Variants in DAB1 observed in about 807,000 individuals in gnomAD.
DAB1 encodes the protein disabled homolog 1.
A neutral mutation model predicts 64.6 loss-of-function variants in DAB1; 15 were observed. The ratio of observed to expected loss-of-function variants is 0.23; its 90% CI spans 0.16 to 0.36. DAB1 has a LOEUF of 0.36. DAB1 is among the 10% of genes least tolerant of loss of function. The pLI, the probability that DAB1 is intolerant of heterozygous loss-of-function variation, is 1.00. For synonymous variants in DAB1, 235 were observed against 251.9 expected (o/e 0.93, Z 0.64); for missense variants, 596 against 706.7 (o/e 0.84, Z 1.78).
intron 3 of DAB1, among the ~76,000 whole-genome samples, chr1:58,379,772 G>A (rs994414405): frequency 1.3e-5 from 2 of 152,206 alleles, no homozygotes; most frequent in African/African-American, 4.8e-5. Context: ...GATGAGTACT[G>A]TGGAGTAGGA....
chr1:57,424,167 C>T (rs1685161208), upstream of DAB1: 4 of 148,806 alleles, frequency 2.7e-5, no homozygotes, highest in Admixed American at 6.7e-5. Flanking sequence ...CCCCCGCGCC[C>T]GCCCGGCGCC....
At chr1:58,485,553 A>G (rs1427769903) in intron 3 of DAB1, among the ~76,000 whole-genome samples, 5 of 152,074 alleles carry the variant, frequency 3.3e-5, no homozygotes, top group Admixed American at 6.6e-5. Flanking sequence ...TCAAATCTTC[A>G]TCTACTTTGC....
intron 7 of DAB1, among the ~76,000 whole-genome samples, chr1:57,502,162 A>G (rs762907094): frequency 1.3e-5 from 2 of 151,964 alleles, no homozygotes; most frequent in Non-Finnish European, 2.9e-5. Context: ...CTACTGAAAA[A>G]TACAAAAAAT....
chr1:57,353,857 C>CT (rs1678832295), intron 1 of DAB1, among the ~76,000 whole-genome samples: 1 of 152,150 alleles, frequency 6.6e-6, no homozygotes, highest in Non-Finnish European at 1.5e-5. Context: ...AACTTCATAG[C>CT]TTGCATGAGG....
At chr1:58,140,215 A>T (rs1654201506) in intron 5 of DAB1, among the ~76,000 whole-genome samples, 1 of 152,218 alleles carries the variant, frequency 6.6e-6, no homozygotes, top group South Asian at 2.1e-4. Flanking sequence ...CTTGAGGCTC[A>T]ATAGAAGAAT....
chr1:58,093,535 G>T (rs1378972691), intron 5 of DAB1, among the ~76,000 whole-genome samples: 1 of 151,990 alleles, frequency 6.6e-6, no homozygotes. Flanking sequence ...CTCCTTATGA[G>T]AATCTAATGT....
chr1:58,316,356 A>T (rs1382106440), intron 4 of DAB1, among the ~76,000 whole-genome samples: 2 of 152,222 alleles, frequency 1.3e-5, no homozygotes, highest in African/African-American at 2.4e-5. Context: ...ATATTTATTT[A>T]AAATGAACTA....
intron 1 of DAB1, chr1:57,864,686 A>C (rs1654218268): frequency 6.9e-6 from 1 of 145,258 alleles, no homozygotes; most frequent in Middle Eastern, 3.3e-3. Context: ...TTATTTAATT[A>C]TTTATTTATT....
chr1:58,487,902 G>GT (rs1348286733), intron 3 of DAB1, among the ~76,000 whole-genome samples: 8 of 151,182 alleles, frequency 5.3e-5, no homozygotes, highest in African/African-American at 1.7e-4. Context: ...GCATGTTACC[G>GT]TACCTCTTCT....
upstream of DAB1, among the ~76,000 whole-genome samples, chr1:57,427,516 T>C (rs1398711911): frequency 6.6e-6 from 1 of 152,170 alleles, no homozygotes; most frequent in Non-Finnish European, 1.5e-5. Context: ...GAAATCAAAA[T>C]CAAATGTCAG....
At chr1:58,300,626 G>GAGAC (rs1662123557) in intron 4 of DAB1, among the ~76,000 whole-genome samples, 1 of 47,028 alleles carries the variant, frequency 2.1e-5, no homozygotes, top group Non-Finnish European at 5.1e-5. Flanking sequence ...GAGAGAGAGA[G>GAGAC]AGAGAGAGAG....
At chr1:57,222,112 C>CT (rs558490995) in intron 2 of DAB1, among the ~76,000 whole-genome samples, 3 of 151,778 alleles carry the variant, frequency 2.0e-5, no homozygotes, top group Admixed American at 6.6e-5. Context: ...GTTATTGTTC[C>CT]TTTTTTTTCT....
At position 57,693,077 on chromosome 1, in the gene DAB1, A is replaced by G. The variant is rs1570743296; in HGVS notation, n.552-43412T>C. Among the ~76,000 whole-genome samples the G allele has an allele frequency of 3.3e-5, 5 of 152,292 alleles. 1 individual carries two copies. The South Asian group carries it at 1.0e-3, about 32-fold the overall frequency. ...GCCATCAAGCTACAGATGGTCTTAC[A>G]AATGGAACCCCAAATGAGCTCAACT... On this transcript the variant is annotated intron_variant and non_coding_transcript_variant, in intron 6 of 20. Transcript: ENST00000485760.
chr1:58,221,959 G>A (rs925628257), intron 4 of DAB1, among the ~76,000 whole-genome samples: 6 of 152,188 alleles, frequency 3.9e-5, no homozygotes, highest in African/African-American at 9.7e-5. Context: ...CCAACTGGCA[G>A]AATGCTGGCT....
chr1:57,148,704 G>A lies in DAB1; in HGVS notation c.68-3275C>T, dbSNP rs1195770282. 2.0e-5 allele frequency among the ~76,000 whole-genome samples: 3 copies of A among 152,186 alleles called. No individual in the cohort carries two copies. In the East Asian group the frequency reaches 5.8e-4, roughly 29 times the overall value. On this transcript the variant is annotated intron_variant, in intron 2 of 14. Coordinates refer to ENST00000371236, the MANE Select transcript of DAB1 (RefSeq NM_001365792.1). ...ATTGAGTTTTTAGTACAGTTACTGT[G>A]CCAAGGGTTTCACACGCAATTTCTC...
intron 4 of DAB1, among the ~76,000 whole-genome samples, chr1:58,160,686 A>T (rs962587672): frequency 7.2e-5 from 11 of 152,216 alleles, no homozygotes; most frequent in African/African-American, 7.2e-5. Flanking sequence ...TACAAAAAAA[A>T]GTTGTATCAC....
At chr1:58,211,462 T>C (rs528927993) in intron 4 of DAB1, among the ~76,000 whole-genome samples, 47 of 152,276 alleles carry the variant, frequency 3.1e-4, no homozygotes, top group Admixed American at 2.4e-3. Context: ...ACTTTGTGAG[T>C]TGTGCAATGA....
chr1:57,726,910 A>G (rs1479778384), intron 6 of DAB1, among the ~76,000 whole-genome samples: 1 of 152,202 alleles, frequency 6.6e-6, no homozygotes, highest in Non-Finnish European at 1.5e-5. Context: ...AAGGAAAACC[A>G]GGGCTAAAAC....
intron 7 of DAB1, among the ~76,000 whole-genome samples, chr1:57,440,219 C>G (rs1029347371): frequency 6.6e-6 from 1 of 152,174 alleles, no homozygotes; most frequent in African/African-American, 2.4e-5. Context: ...TTGATCCCTG[C>G]CATGTGTTGG....
Sources: allele counts gnomAD v4.1 joint callset (sites outside exome capture counted in the v4.1 genomes callset), GRCh38; gene constraint gnomAD v4.1.1; transcripts MANE v1.5; gene names NCBI Gene and HGNC (gene_info 2026-07-23, HGNC 2026-07-21).